DOK6: variants seen among roughly 807,000 people sequenced by gnomAD.
DOK6 encodes downstream of tyrosine kinase 6.
DOK6 carries 22 observed loss-of-function variants against 44.0 expected under a neutral mutation model. That is an observed-to-expected ratio of 0.50 (90% confidence interval 0.36 to 0.71). The LOEUF (loss-of-function observed/expected upper bound fraction) is 0.71. Ranked by LOEUF, DOK6 falls within the 30% of genes least tolerant of loss-of-function variation. The pLI is 0.00. For synonymous variants in DOK6, 166 were observed against 145.5 expected (o/e 1.14, Z -1.01); for missense variants, 340 against 416.4 (o/e 0.82, Z 1.60).
intron 1 of DOK6, among the ~76,000 whole-genome samples, chr18:69,505,469 C>A (rs1981156309): frequency 7.2e-6 from 1 of 138,378 alleles, no homozygotes; most frequent in Non-Finnish European, 1.6e-5. Context: ...GAACTGGATT[C>A]TAGTCCTGTC....
intron 7 of DOK6, among the ~76,000 whole-genome samples, chr18:69,818,411 T>C (rs1981465908): frequency 1.3e-5 from 2 of 152,136 alleles, no homozygotes; most frequent in East Asian, 1.9e-4. Flanking sequence ...TTCGAAGAAC[T>C]GGAGTATGTG....
At chr18:69,686,612 A>C (rs1986158052) in intron 4 of DOK6, among the ~76,000 whole-genome samples, 1 of 152,178 alleles carries the variant, frequency 6.6e-6, no homozygotes, top group South Asian at 2.1e-4. Context: ...GCTGTAATGG[A>C]AACATCAAAA....
intron 1 of DOK6, among the ~76,000 whole-genome samples, chr18:69,502,197 A>T (rs978667697): frequency 3.3e-5 from 5 of 152,166 alleles, no homozygotes; most frequent in African/African-American, 1.2e-4. Context: ...TGATAATATC[A>T]TTTATCATAG....
At chr18:69,550,316 C>A (rs1982528950) in intron 1 of DOK6, among the ~76,000 whole-genome samples, 8 of 152,040 alleles carry the variant, frequency 5.3e-5, no homozygotes, top group Admixed American at 5.2e-4. Context: ...ATGAAATTTT[C>A]TGATTCTTTC....
chr18:69,670,985 A>G (rs916150427), intron 3 of DOK6, among the ~76,000 whole-genome samples: 66 of 152,116 alleles, frequency 4.3e-4, no homozygotes, highest in African/African-American at 1.6e-3. Flanking sequence ...CCCAACACAC[A>G]CACACACGCA....
At chr18:69,504,432 T>C (rs184676544) in intron 1 of DOK6, among the ~76,000 whole-genome samples, 1 of 152,120 alleles carries the variant, frequency 6.6e-6, no homozygotes, top group African/African-American at 2.4e-5. Flanking sequence ...AGAAAGTAAG[T>C]AAATTAATAT....
At chr18:69,677,610 G>T in intron 3 of DOK6, 124 bp from the exon 4 acceptor site, 11 of 1,501,352 alleles carry the variant, frequency 7.3e-6, no homozygotes, top group Middle Eastern at 2.0e-4. Flanking sequence ...ACAGTTTTTT[G>T]TTGTTTTTTT....
intron 6 of DOK6, among the ~76,000 whole-genome samples, chr18:69,756,508 C>T (rs902594447): frequency 3.3e-5 from 5 of 152,116 alleles, no homozygotes; most frequent in African/African-American, 1.2e-4. Flanking sequence ...CGTAGCAGCT[C>T]GAGAAATGCC....
Position 69,773,604 on chromosome 18 carries a change from A to G in DOK6, c.856+15731A>G, listed in dbSNP as rs564412660. 2.0e-5 allele frequency among the ~76,000 whole-genome samples: 3 copies of G among 152,178 alleles called. No individual in the cohort carries two copies. The East Asian group carries it at 5.8e-4, about 29-fold the overall frequency. On this transcript the variant is annotated intron_variant, in intron 7 of 7. Coordinates refer to ENST00000382713, the MANE Select transcript of DOK6 (RefSeq NM_152721.6). The stretch of plus-strand genomic sequence containing the variant: ...CCATTCACAGAAGGACAAATATTAC[A>G]TAATTCAATTTATGTGGAGTATATG...
chr18:69,429,764 TA>T (rs1944617249), intron 1 of DOK6, among the ~76,000 whole-genome samples: 1 of 151,264 alleles, frequency 6.6e-6, no homozygotes, highest in South Asian at 2.1e-4. Flanking sequence ...TTGTAATTTC[TA>T]AGCCTAGTAT....
At position 69,841,171 on chromosome 18, in the gene DOK6, T is replaced by C. The variant is rs1049924120; in HGVS notation, c.857-73T>C. On this transcript the variant is annotated intron_variant, in intron 7 of 7. Coordinates refer to ENST00000382713, the MANE Select transcript of DOK6 (RefSeq NM_152721.6). ...AAAATATAGATAGATAGATAATAGA[T>C]AGATGATAGATAGTGTATCTTTTGT... 8 of 1,565,374 alleles carry C rather than the reference T, an allele frequency of 5.1e-6. No homozygotes were observed. The Admixed American group carries it at 6.9e-5, about 13-fold the overall frequency.
intron 2 of DOK6, among the ~76,000 whole-genome samples, chr18:69,594,457 T>C (rs997342566): frequency 4.0e-5 from 6 of 151,730 alleles, no homozygotes; most frequent in Admixed American, 6.6e-5. Flanking sequence ...AAAACAAATA[T>C]AAATAACAGA....
At chr18:69,776,676 A>G (rs1045435471) in intron 7 of DOK6, among the ~76,000 whole-genome samples, 1 of 152,122 alleles carries the variant, frequency 6.6e-6, no homozygotes, top group Non-Finnish European at 1.5e-5. Context: ...ACCTAATTGT[A>G]TACAGTCCAG....
intron 3 of DOK6, chr18:69,661,529 CTCAG>C (rs1288192352): frequency 2.0e-5 from 3 of 152,168 alleles, no homozygotes; most frequent in Non-Finnish European, 2.9e-5. Flanking sequence ...GCATAAGTAA[CTCAG>C]TCAGGTGTGA....
intron 2 of DOK6, among the ~76,000 whole-genome samples, chr18:69,573,719 G>GT (rs1983172241): frequency 1.3e-5 from 2 of 151,600 alleles, no homozygotes; most frequent in African/African-American, 4.8e-5. Context: ...TTGTTTCTTT[G>GT]TATCAACCTT....
chr18:69,818,104 G>C (rs1315530186), intron 7 of DOK6, among the ~76,000 whole-genome samples: 3 of 152,122 alleles, frequency 2.0e-5, no homozygotes, highest in African/African-American at 7.2e-5. Context: ...TAGAACCCAG[G>C]AACTTTGAGT....
intron 4 of DOK6, among the ~76,000 whole-genome samples, chr18:69,691,184 AAAAT>A (rs149335802): frequency 0.23 from 31,657 of 140,270 alleles, 3,670 homozygotes; most frequent in Admixed American, 0.25. Context: ...ACTCTGTCTC[AAAAT>A]AAATAAATAA....
chr18:69,811,559 T>C (rs879871677), intron 7 of DOK6, among the ~76,000 whole-genome samples: 2,834 of 20,074 alleles, frequency 0.14, 143 homozygotes, highest in South Asian at 0.33. Context: ...TATATATATA[T>C]ATATATATAT....
At chr18:69,807,170 T>A (rs1225155855) in intron 7 of DOK6, among the ~76,000 whole-genome samples, 4 of 147,452 alleles carry the variant, frequency 2.7e-5, no homozygotes, top group African/African-American at 9.9e-5. Context: ...GTCCTCAGTG[T>A]GGAGGTTTTT....
Sources: gnomAD v4.1 joint callset for allele counts (sites outside exome capture counted in the v4.1 genomes callset) on GRCh38, gnomAD v4.1.1 for gene constraint, MANE v1.5 for transcripts, NCBI Gene and HGNC (gene_info 2026-07-23, HGNC 2026-07-21) for gene names.